ALKBH1: variants seen among roughly 807,000 people sequenced by gnomAD.
ALKBH1 encodes the protein alkB homolog 1, histone H2A dioxygenase.
Under a neutral mutation model 36.6 loss-of-function variants are expected in ALKBH1, and 31 were observed. The ratio of observed to expected loss-of-function variants is 0.85; its 90% CI spans 0.64 to 1.14. The LOEUF is 1.14. Among genes scored for constraint, ALKBH1 ranks in the 50% most tolerant of loss-of-function variants. ALKBH1 has a pLI of 0.00. For missense variants in ALKBH1, 490 were observed against 497.3 expected (o/e 0.99, Z 0.14); for synonymous variants, 183 against 186.6 (o/e 0.98, Z 0.16).
intron 2 of ALKBH1, among the ~76,000 whole-genome samples, chr14:77,701,488 A>AT (rs1167671084): frequency 1.3e-5 from 2 of 151,942 alleles, no homozygotes; most frequent in East Asian, 3.9e-4. Flanking sequence ...GTGCAGGACA[A>AT]TTTTTCAATG....
At chr14:77,704,956 C>G (rs1317692645) in intron 1 of ALKBH1, among the ~76,000 whole-genome samples, 3 of 152,200 alleles carry the variant, frequency 2.0e-5, no homozygotes, top group African/African-American at 7.2e-5. Context: ...ACCTTTCCAA[C>G]TTCTTATGGG....
intron 2 of ALKBH1, among the ~76,000 whole-genome samples, chr14:77,695,412 A>G (rs2080321605): frequency 6.6e-6 from 1 of 152,206 alleles, no homozygotes. Flanking sequence ...TGCCAGCTAC[A>G]TTTCTTATTT....
At chr14:77,701,205 T>C (rs1052787241) in intron 2 of ALKBH1, among the ~76,000 whole-genome samples, 1 of 152,224 alleles carries the variant, frequency 6.6e-6, no homozygotes, top group Admixed American at 6.5e-5. Context: ...TTCTGACACC[T>C]AGAGCAACCC....
chr14:77,677,292 G>A (rs553246422), intron 4 of ALKBH1, among the ~76,000 whole-genome samples: 6 of 151,948 alleles, frequency 3.9e-5, no homozygotes, highest in Middle Eastern at 3.4e-3. Context: ...TGCCTGCCTC[G>A]GCCTCCCAAA....
In ALKBH1 at chr14:77,674,135, G is replaced by A. The variant is rs537248458; in HGVS notation, c.847C>T (p.Arg283Cys). Reference protein sequence around the residue: ...GDIMIMSGFSRLLNHAVPRVL... With the variant: ...GDIMIMSGFSCLLNHAVPRVL... ...CGAGGGACTGCGTGGTTCAAGAGGC[G>A]GCTGAAACCCGACATTATCATGATG... is the stretch of plus-strand genomic sequence containing the variant. Residue 283 changes from arginine (R) to cysteine (C), a missense_variant, in exon 6 of 6, where the codon CGC becomes TGC. Arg to Cys is a radical substitution (Grantham distance 180, BLOSUM62 -3). Coordinates refer to ENST00000216489, the MANE Select transcript of ALKBH1 (RefSeq NM_006020.3). 8.7e-6 allele frequency: 14 copies of A among 1,614,172 alleles called. No individual in the cohort carries two copies. The African/African-American group carries it at 9.3e-5, about 11-fold the overall frequency.
chr14:77,698,197 T>C (rs958904577), intron 2 of ALKBH1, among the ~76,000 whole-genome samples: 13 of 152,154 alleles, frequency 8.5e-5, no homozygotes, highest in African/African-American at 2.7e-4. Context: ...GACCTAAGTA[T>C]GCTTACAGAT....
At chr14:77,700,387 A>C (rs954527898) in intron 2 of ALKBH1, among the ~76,000 whole-genome samples, 5 of 152,230 alleles carry the variant, frequency 3.3e-5, no homozygotes, top group Non-Finnish European at 5.9e-5. Flanking sequence ...TATTATCAAT[A>C]GCATATACTC....
chr14:77,682,720 CTG>C (rs1189829933), intron 3 of ALKBH1, among the ~76,000 whole-genome samples: 1 of 152,096 alleles, frequency 6.6e-6, no homozygotes, highest in East Asian at 1.9e-4. Flanking sequence ...TTTTTGGAGA[CTG>C]TGTCTCATTT....
chr14:77,685,558 C>A (rs7151211), intron 3 of ALKBH1, among the ~76,000 whole-genome samples: 24,437 of 152,016 alleles, frequency 0.16, 2,047 homozygotes, highest in East Asian at 0.26. Flanking sequence ...GGGCAGATTG[C>A]CTTAGCTCAG....
At chr14:77,707,686 C>T (rs1341644419) in intron 1 of ALKBH1, 136 bp downstream of exon 1, 10 of 995,680 alleles carry the variant, frequency 1.0e-5, no homozygotes, top group Non-Finnish European at 1.4e-5. Flanking sequence ...GGGAGTTCGA[C>T]TCTGCAGCCA....
rs759335127 is a variant in ALKBH1, at chr14:77,704,472, G to C, written c.189C>G (p.Ile63Met). The change falls in exon 2 of 6, where the codon ATC becomes ATG. Residue 63 changes from isoleucine to methionine, a missense_variant. Ile to Met is a conservative substitution (Grantham distance 10, BLOSUM62 1). Coordinates refer to ENST00000216489, the MANE Select transcript of ALKBH1 (RefSeq NM_006020.3). ...CAGAAGACACATTTAGCTGAGATTT[G>C]ATCACCTGGCAGGAAGGAAACAGAA... ...RGKGPGAQKV[I>M]KSQLNVSSVS... 2.5e-6 allele frequency: 4 copies of C among 1,613,306 alleles called. No homozygotes were observed. The Admixed American group carries it at 6.7e-5, about 27-fold the overall frequency.
intron 1 of ALKBH1, among the ~76,000 whole-genome samples, chr14:77,705,219 C>A (rs971246526): frequency 1.3e-5 from 2 of 151,996 alleles, no homozygotes; most frequent in Non-Finnish European, 2.9e-5. Flanking sequence ...CCGAGACCAA[C>A]CTGGCCAACA....
In ALKBH1 at chr14:77,704,369, C is replaced by G. The variant is rs1424902195; in HGVS notation, c.292G>C (p.Gly98Arg). Reference protein sequence around the residue: ...WQAYGLKGYPGFIFIPNPFLP... With the variant: ...WQAYGLKGYPRFIFIPNPFLP... Reference sequence around the variant, plus strand: ...CTTCTCTGAGGTCAGTTACACTCACCAGGATAGCCTTTGAGTCCATAGGCT... The same window carrying G: ...CTTCTCTGAGGTCAGTTACACTCACGAGGATAGCCTTTGAGTCCATAGGCT... The change falls in exon 2 of 6, where the codon GGG (glycine) becomes CGG (arginine). Residue 98 changes from glycine to arginine, a missense_variant and splice_region_variant. Coordinates refer to ENST00000216489, the MANE Select transcript of ALKBH1 (RefSeq NM_006020.3). 6.2e-7 allele frequency: 1 copy of G among 1,610,682 alleles called. No homozygotes were observed. Among genetic ancestry groups the G allele is most frequent in the Admixed American group, 1.7e-5 (1 of 60,016 alleles).
intron 3 of ALKBH1, among the ~76,000 whole-genome samples, chr14:77,694,432 T>G (rs190669558): frequency 6.6e-6 from 1 of 152,322 alleles, no homozygotes; most frequent in East Asian, 1.9e-4. Flanking sequence ...GAACTCACTT[T>G]AAGTAGAAAA....
intron 3 of ALKBH1, chr14:77,683,275 T>G (rs2080248888): frequency 3.9e-6 from 3 of 778,890 alleles, no homozygotes; most frequent in East Asian, 5.1e-5. Flanking sequence ...AAAGTGTGCT[T>G]CTCTGGGTGG....
chr14:77,703,359 T>C (rs987435016), intron 2 of ALKBH1, among the ~76,000 whole-genome samples: 1 of 150,862 alleles, frequency 6.6e-6, no homozygotes, highest in Non-Finnish European at 1.5e-5. Context: ...AGTGGCACAA[T>C]CTCGGCTCAA....
intron 1 of ALKBH1, 39 bp downstream of exon 1, chr14:77,707,783 A>C: frequency 6.4e-7 from 1 of 1,553,856 alleles, no homozygotes; most frequent in South Asian, 1.2e-5. Context: ...GACGCGGGGC[A>C]AAGCGATGGA....
intron 3 of ALKBH1, among the ~76,000 whole-genome samples, chr14:77,689,793 T>C (rs990036037): frequency 5.9e-5 from 9 of 152,054 alleles, no homozygotes; most frequent in African/African-American, 2.2e-4. Context: ...CATAAGCTAA[T>C]TTACAGAACA....
intron 3 of ALKBH1, among the ~76,000 whole-genome samples, chr14:77,689,767 TA>T (rs1362262096): frequency 1.3e-5 from 2 of 151,982 alleles, no homozygotes; most frequent in Admixed American, 6.6e-5. Flanking sequence ...TTCATATACA[TA>T]AAAATAGAGT....
Sources: gnomAD v4.1 joint callset for allele counts (sites outside exome capture counted in the v4.1 genomes callset) on GRCh38, gnomAD v4.1.1 for gene constraint, MANE v1.5 for transcripts, NCBI Gene and HGNC (gene_info 2026-07-23, HGNC 2026-07-21) for gene names.